TNNI3K: variants seen among roughly 807,000 people sequenced by gnomAD.
TNNI3K encodes the protein TNNI3 interacting kinase, also known as serine/threonine-protein kinase TNNI3K.
A neutral mutation model predicts 114.5 loss-of-function variants in TNNI3K; 140 were observed. The ratio of observed to expected loss-of-function variants is 1.22; its 90% CI spans 1.07 to 1.41. The LOEUF (loss-of-function observed/expected upper bound fraction) is 1.41. Ranked by LOEUF, TNNI3K falls within the 40% of genes most tolerant of loss-of-function variation. The probability of loss-of-function intolerance (pLI) is 0.00; values close to 1 mark genes in which losing one functional copy is unlikely to be tolerated. For missense variants in TNNI3K, 1,125 were observed against 1,007.6 expected, an observed-to-expected ratio of 1.12 and a Z score of -1.58; for synonymous variants, 347 against 347.5, an observed-to-expected ratio of 1.00 and a Z score of 0.02.
chr1:74,241,869 A>G (rs1346305866), intron 2 of TNNI3K, among the ~76,000 whole-genome samples: 1 of 123,650 alleles, frequency 8.1e-6, no homozygotes, highest in Admixed American at 8.9e-5. Context: ...TTTTTTTTTC[A>G]GACGGAGTCT....
intron 21 of TNNI3K, among the ~76,000 whole-genome samples, chr1:74,473,088 TA>T (rs1668016075): frequency 6.6e-6 from 1 of 152,100 alleles, no homozygotes; most frequent in Non-Finnish European, 1.5e-5. Flanking sequence ...TTTTACACAT[TA>T]AATAATATTA....
At chr1:74,243,151 A>C (rs1654351044) in intron 2 of TNNI3K, among the ~76,000 whole-genome samples, 1 of 152,180 alleles carries the variant, frequency 6.6e-6, no homozygotes, top group Non-Finnish European at 1.5e-5. Flanking sequence ...AATTATGCCA[A>C]TTTTATCATA....
intron 2 of TNNI3K, among the ~76,000 whole-genome samples, chr1:74,243,776 C>T (rs1476570253): frequency 1.3e-5 from 2 of 152,114 alleles, no homozygotes; most frequent in Non-Finnish European, 2.9e-5. Context: ...ACAGCATTTA[C>T]TATTAGAAAT....
At chr1:74,507,837 A>C (rs1221335120) in intron 23 of TNNI3K, among the ~76,000 whole-genome samples, 1 of 152,200 alleles carries the variant, frequency 6.6e-6, no homozygotes, top group African/African-American at 2.4e-5. Flanking sequence ...GAAATTACAA[A>C]GGCTGAAAAT....
intron 19 of TNNI3K, among the ~76,000 whole-genome samples, chr1:74,438,160 A>G (rs1423081317): frequency 6.6e-6 from 1 of 151,734 alleles, no homozygotes; most frequent in Non-Finnish European, 1.5e-5. Flanking sequence ...ATGTGGCTTT[A>G]TGTATGTTAT....
At chr1:74,464,681 A>G in intron 21 of TNNI3K, 2 of 1,597,730 alleles carry the variant, frequency 1.3e-6, no homozygotes, top group Non-Finnish European at 1.7e-6. Flanking sequence ...GTGTACACAG[A>G]AACTCTTAAG....
In TNNI3K at chr1:74,463,530, G is replaced by A; in HGVS notation, c.2101G>A (p.Gly701Arg). Reference protein sequence around the residue: ...PKPISSLLIRGWNACPEGRPE... With the variant: ...PKPISSLLIRRWNACPEGRPE... Reference sequence around the variant, plus strand: ...GCCCATATCATCTCTGCTGATACGAGGGTGGAACGCATGTCCTGAAGTGAG... The same window carrying A: ...GCCCATATCATCTCTGCTGATACGAAGGTGGAACGCATGTCCTGAAGTGAG... Residue 701 changes from glycine to arginine, a missense_variant, in exon 21 of 25, where the codon GGG becomes AGG. Coordinates refer to ENST00000326637, the MANE Select transcript of TNNI3K (RefSeq NM_015978.3). 2 of 1,614,164 alleles carry A rather than the reference G, an allele frequency of 1.2e-6. No individual in the cohort carries two copies. The highest frequency in any genetic ancestry group is 2.2e-5 in the South Asian group (2 of 91,070).
At chr1:74,477,285 T>G (rs1042117664) in intron 21 of TNNI3K, among the ~76,000 whole-genome samples, 34 of 151,960 alleles carry the variant, frequency 2.2e-4, no homozygotes, top group Non-Finnish European at 7.4e-5. Context: ...CTAACACTTA[T>G]TTTTTTTCTC....
chr1:74,473,592 A>C (rs1668045132), intron 21 of TNNI3K, among the ~76,000 whole-genome samples: 1 of 151,834 alleles, frequency 6.6e-6, no homozygotes, highest in South Asian at 2.1e-4. Context: ...CTTTTAGTAG[A>C]CAGGAGATGT....
intron 2 of TNNI3K, among the ~76,000 whole-genome samples, chr1:74,241,715 A>G (rs938632220): frequency 1.3e-5 from 2 of 151,986 alleles, no homozygotes; most frequent in Non-Finnish European, 2.9e-5. Context: ...ATTTTCTCCC[A>G]TTCTGTAGGT....
At chr1:74,518,408 T>C (rs953304384) in intron 23 of TNNI3K, among the ~76,000 whole-genome samples, 5 of 152,198 alleles carry the variant, frequency 3.3e-5, no homozygotes, top group African/African-American at 1.2e-4. Flanking sequence ...TCTTCTTCTT[T>C]ACCTAAAGGG....
At chr1:74,463,318 CT>C in intron 20 of TNNI3K, 122 bp from the exon 21 acceptor site, 1 of 1,017,574 alleles carries the variant, frequency 9.8e-7, no homozygotes, top group African/African-American at 1.6e-5. Context: ...CTAGAGGTCT[CT>C]TTGAATGTCT....
rs776989296 is a variant in TNNI3K at position 74,466,589 on chromosome 1, A to AC, written c.2121+3039_2121+3040insC. 1.2e-3 allele frequency among the ~76,000 whole-genome samples: 181 copies of AC among 152,308 alleles called. 1 individual carries two copies. Among genetic ancestry groups the AC allele is most frequent in the Non-Finnish European group, 2.0e-3 (133 of 68,024 alleles). On this transcript the variant is annotated intron_variant, in intron 21 of 24. Coordinates refer to ENST00000326637, the MANE Select transcript of TNNI3K (RefSeq NM_015978.3). ...AGATGAAGAGGGGAAGATGAAGAAA[A>AC]AGCATATTAGGAAAGCAAAGTCTTC...
intron 23 of TNNI3K, among the ~76,000 whole-genome samples, chr1:74,534,297 C>T (rs965229318): frequency 2.6e-5 from 4 of 152,094 alleles, no homozygotes; most frequent in African/African-American, 9.7e-5. Flanking sequence ...TTTGCAAAAG[C>T]CACGCTCAGA....
chr1:74,398,314 A>T (rs188149555), intron 17 of TNNI3K, among the ~76,000 whole-genome samples: 1 of 152,228 alleles, frequency 6.6e-6, no homozygotes, highest in African/African-American at 2.4e-5. Flanking sequence ...AAGCAAACCC[A>T]TAATGAGAGA....
intron 20 of TNNI3K, among the ~76,000 whole-genome samples, chr1:74,453,740 T>C (rs556416044): frequency 2.0e-5 from 3 of 152,080 alleles, no homozygotes; most frequent in East Asian, 3.9e-4. Context: ...AAAGGTCAAA[T>C]CAAAAAGATC....
chr1:74,474,680 A>G (rs535517504), intron 21 of TNNI3K, among the ~76,000 whole-genome samples: 40 of 152,230 alleles, frequency 2.6e-4, no homozygotes, highest in African/African-American at 9.4e-4. Flanking sequence ...CATTGCCTTC[A>G]CCTAAATATT....
At chr1:74,422,938 T>C (rs1362164141) in intron 17 of TNNI3K, among the ~76,000 whole-genome samples, 1 of 152,114 alleles carries the variant, frequency 6.6e-6, no homozygotes, top group Non-Finnish European at 1.5e-5. Context: ...TTGGATAAAA[T>C]CACTGGGTAA....
At chr1:74,264,507 A>G (rs562861514) in intron 4 of TNNI3K, among the ~76,000 whole-genome samples, 2 of 152,228 alleles carry the variant, frequency 1.3e-5, no homozygotes, top group East Asian at 3.9e-4. Context: ...TTTCTTTATA[A>G]AAACAAATAA....
Sources: allele counts gnomAD v4.1 joint callset (sites outside exome capture counted in the v4.1 genomes callset), GRCh38; gene constraint gnomAD v4.1.1; transcripts MANE v1.5; gene names NCBI Gene and HGNC (gene_info 2026-07-23, HGNC 2026-07-21).